The following DPYD variants were observed in gnomAD, a reference collection of about 807,000 sequenced individuals.
The protein encoded by DPYD is dihydropyrimidine dehydrogenase.
DPYD carries 109 observed loss-of-function variants against 116.2 expected under a neutral mutation model. The ratio of observed to expected loss-of-function variants is 0.94; its 90% CI spans 0.80 to 1.10. The LOEUF (loss-of-function observed/expected upper bound fraction) is 1.10, where lower values mean the gene tolerates loss of function less well. Among genes scored for constraint, DPYD ranks in the 50% least tolerant of loss-of-function variants. The pLI is 0.00. For missense variants in DPYD, 1,302 were observed against 1,254.5 expected (o/e 1.04, Z -0.57); for synonymous variants, 440 against 432.0 (o/e 1.02, Z -0.23).
intron 20 of DPYD, among the ~76,000 whole-genome samples, chr1:97,178,666 G>T (rs1657453761): frequency 6.6e-6 from 1 of 152,026 alleles, no homozygotes; most frequent in Admixed American, 6.6e-5. Flanking sequence ...CCATATAAAT[G>T]AACTTTTCCA....
chr1:97,505,825 G>A (rs1647285383), intron 13 of DPYD, among the ~76,000 whole-genome samples: 1 of 151,914 alleles, frequency 6.6e-6, no homozygotes, highest in Non-Finnish European at 1.5e-5. Context: ...AAATTTGGCA[G>A]GATAGAAGTG....
chr1:97,579,144 G>A (rs1570993479), intron 10 of DPYD, among the ~76,000 whole-genome samples: 1 of 152,106 alleles, frequency 6.6e-6, no homozygotes, highest in Non-Finnish European at 1.5e-5. Flanking sequence ...CAGCAAATCA[G>A]AATATATGCC....
intron 11 of DPYD, among the ~76,000 whole-genome samples, chr1:97,573,412 C>T (rs576587501): frequency 6.6e-6 from 1 of 152,158 alleles, no homozygotes; most frequent in South Asian, 2.1e-4. Flanking sequence ...TCATTGAAGA[C>T]TGGCTGTTCC....
chr1:97,586,990 T>C (rs141109786), intron 10 of DPYD, among the ~76,000 whole-genome samples: 1 of 152,270 alleles, frequency 6.6e-6, no homozygotes, highest in African/African-American at 2.4e-5. Context: ...AAATGAGGAA[T>C]GGAAAAAACT....
intron 8 of DPYD, among the ~76,000 whole-genome samples, chr1:97,649,276 GC>G (rs1658446226): frequency 6.6e-6 from 1 of 152,018 alleles, no homozygotes; most frequent in Non-Finnish European, 1.5e-5. Flanking sequence ...TACATAAGGA[GC>G]TCTCAAGGTG....
intron 20 of DPYD, among the ~76,000 whole-genome samples, chr1:97,107,669 A>G (rs959601452): frequency 1.3e-5 from 2 of 152,096 alleles, no homozygotes; most frequent in African/African-American, 4.8e-5. Context: ...TGGGTATTCT[A>G]GTGTCCATTT....
Position 97,373,545 on chromosome 1 carries a change from C to T in DPYD, c.2058+16G>A, listed in dbSNP as rs749152644. On this transcript the variant is annotated intron_variant, in intron 16 of 22. Transcript: ENST00000370192. ...GTCACACTGACATACTTAGTGGCAG[C>T]TGTCAAGGTCCTTACCTGCCCACAG... 6.2e-7 allele frequency: 1 copy of T among 1,609,714 alleles called. No homozygotes were observed. Among genetic ancestry groups the T allele is most frequent in the Non-Finnish European group, 8.5e-7 (1 of 1,176,320 alleles).
intron 19 of DPYD, among the ~76,000 whole-genome samples, chr1:97,197,461 T>C (rs1475762766): frequency 1.3e-5 from 2 of 152,222 alleles, no homozygotes; most frequent in Non-Finnish European, 2.9e-5. Flanking sequence ...ATGTACTTTA[T>C]GGGATTTTCA....
intron 16 of DPYD, among the ~76,000 whole-genome samples, chr1:97,334,251 T>C (rs1320458618): frequency 1.3e-5 from 2 of 152,226 alleles, no homozygotes; most frequent in Admixed American, 6.5e-5. Flanking sequence ...TAGCTTATTA[T>C]GGAACTCTAC....
chr1:97,851,626 A>G (rs1196565827), intron 2 of DPYD, among the ~76,000 whole-genome samples: 1 of 151,848 alleles, frequency 6.6e-6, no homozygotes, highest in Non-Finnish European at 1.5e-5. Context: ...TCCAAATATG[A>G]TATTTAACCC....
At chr1:97,285,935 T>C (rs965747564) in intron 18 of DPYD, among the ~76,000 whole-genome samples, 14 of 152,204 alleles carry the variant, frequency 9.2e-5, no homozygotes, top group African/African-American at 3.1e-4. Flanking sequence ...AAGTTAATAT[T>C]GTTATGTGTG....
chr1:97,800,924 ATC>A (rs1029073325), intron 3 of DPYD, among the ~76,000 whole-genome samples: 3 of 151,830 alleles, frequency 2.0e-5, no homozygotes, highest in Non-Finnish European at 4.4e-5. Context: ...TGAGTCTTAC[ATC>A]TCCTTCCTCC....
chr1:97,238,836 A>G (rs1388737228), intron 18 of DPYD, among the ~76,000 whole-genome samples: 1 of 152,170 alleles, frequency 6.6e-6, no homozygotes, highest in Admixed American at 6.5e-5. Flanking sequence ...GTAACATGCA[A>G]TTTAAATTAA....
intron 1 of DPYD, among the ~76,000 whole-genome samples, chr1:97,894,187 T>G (rs963844479): frequency 6.6e-6 from 1 of 151,780 alleles, no homozygotes; most frequent in African/African-American, 2.4e-5. Flanking sequence ...CTTTTTGCAG[T>G]GTGATCATGT....
At chr1:97,089,943 A>T (rs1027126919) in intron 21 of DPYD, among the ~76,000 whole-genome samples, 2 of 151,890 alleles carry the variant, frequency 1.3e-5, no homozygotes, top group Admixed American at 1.3e-4. Context: ...CACTGGGCAT[A>T]ACCATGCTTG....
intron 19 of DPYD, among the ~76,000 whole-genome samples, chr1:97,195,596 GT>G (rs1658716315): frequency 3.4e-5 from 1 of 29,556 alleles, no homozygotes; most frequent in Non-Finnish European, 5.1e-5. Context: ...ATATATATAT[GT>G]GTGTGTGTGT....
At chr1:97,251,124 C>T (rs1041569309) in intron 18 of DPYD, among the ~76,000 whole-genome samples, 1 of 151,914 alleles carries the variant, frequency 6.6e-6, no homozygotes, top group East Asian at 1.9e-4. Flanking sequence ...TGGCAGGGCA[C>T]GGTGGCTCAT....
chr1:97,829,520 T>C (rs1335292146), intron 2 of DPYD, among the ~76,000 whole-genome samples: 2 of 152,130 alleles, frequency 1.3e-5, no homozygotes, highest in Non-Finnish European at 2.9e-5. Context: ...TTTAGAAGTG[T>C]CTTTCAATAA....
At chr1:97,214,188 C>A (rs562121518) in intron 19 of DPYD, among the ~76,000 whole-genome samples, 22 of 152,192 alleles carry the variant, frequency 1.4e-4, no homozygotes, top group African/African-American at 5.1e-4. Flanking sequence ...TACTTGAGAC[C>A]ATCCAACTTA....
Sources: allele counts gnomAD v4.1 joint callset (sites outside exome capture counted in the v4.1 genomes callset), GRCh38; gene constraint gnomAD v4.1.1; transcripts MANE v1.5; gene names NCBI Gene and HGNC (gene_info 2026-07-23, HGNC 2026-07-21).